FAS: variants seen among roughly 807,000 people sequenced by gnomAD.
The protein encoded by FAS is Fas cell surface death receptor, also known as tumor necrosis factor receptor superfamily member 6.
A neutral mutation model predicts 33.2 loss-of-function variants in FAS; 5 were observed. The ratio of observed to expected loss-of-function variants is 0.15; its 90% CI spans 0.08 to 0.32. The LOEUF is 0.32. Among genes scored for constraint, FAS ranks in the 10% least tolerant of loss-of-function variants. The pLI, the probability that FAS is intolerant of heterozygous loss-of-function variation, is 1.00. For missense variants in FAS, 339 were observed against 386.0 expected (o/e 0.88, Z 1.02); for synonymous variants, 131 against 130.7 (o/e 1.00, Z -0.01).
intron 2 of FAS, among the ~76,000 whole-genome samples, chr10:88,980,458 G>A (rs543095039): frequency 2.6e-5 from 4 of 152,246 alleles, no homozygotes; most frequent in East Asian, 3.9e-4. Flanking sequence ...AAAGAGAGAC[G>A]CATTTCACAG....
At position 88,990,859 on chromosome 10, in the gene FAS, G is replaced by A; in HGVS notation, c.-18G>A. The stretch of plus-strand genomic sequence containing the variant: ...GAGTTGGGGAAGCTCTTTCACTTCG[G>A]AGGATTGCTCAACAACCATGCTGGG... On this transcript the variant is annotated 5_prime_UTR_variant, in exon 1 of 9. Transcript: ENST00000652046. This position sits in a 1 kb window ranked among gnomAD's most constrained non-coding sequence, Gnocchi z 4.9. 1 of 1,614,228 alleles carries A rather than the reference G, an allele frequency of 6.2e-7. No homozygotes were observed. Among genetic ancestry groups the A allele is most frequent in the Non-Finnish European group, 8.5e-7 (1 of 1,180,034 alleles).
At chr10:88,982,535 G>A (rs1042214168), upstream of FAS, among the ~76,000 whole-genome samples, 1 of 152,142 alleles carries the variant, frequency 6.6e-6, no homozygotes, top group African/African-American at 2.4e-5. Flanking sequence ...GAGATTCACT[G>A]AGGGGGGAAT....
At chr10:88,981,383 CT>C (rs5786847) in intron 2 of FAS, among the ~76,000 whole-genome samples, 10 of 149,560 alleles carry the variant, frequency 6.7e-5, no homozygotes, top group African/African-American at 1.5e-4. Context: ...AGAGAAATGA[CT>C]TTTTTTTTTT....
chr10:88,973,594 T>C (rs958140808), intron 2 of FAS: 18 of 257,948 alleles, frequency 7.0e-5, no homozygotes, highest in Non-Finnish European at 1.0e-4. Flanking sequence ...ATCTTTAACA[T>C]AGACCATTCA....
chr10:88,989,726 G>A (rs1847053857), upstream of FAS: 1 of 371,308 alleles, frequency 2.7e-6, no homozygotes, highest in Non-Finnish European at 5.3e-6. Flanking sequence ...TAAGCAAAGG[G>A]TTATTAATGT....
chr10:88,986,663 ACAGGAAGGAAGTAGTG>A (rs772916083), upstream of FAS, among the ~76,000 whole-genome samples: 53,396 of 150,286 alleles, frequency 0.36, 10,377 homozygotes, highest in African/African-American at 0.48. Context: ...AGGAAGTAAT[ACAGGAAGGAAGTAGTG>A]CAGGAAGGAA....
chr10:88,978,685 C>A lies in FAS; in HGVS notation n.260+5338C>A, dbSNP rs138726147. On this transcript the variant is annotated intron_variant and non_coding_transcript_variant, in intron 2 of 3. Coordinates refer to the FAS transcript ENST00000688239. ...GTTCATTTGCACCACGGCTCCAGCT[C>A]ACCCTACTTCAGGGAACTGAAGATG... Among the ~76,000 whole-genome samples the A allele has an allele frequency of 8.9e-4, 135 of 152,266 alleles. 1 individual carries two copies. Among genetic ancestry groups the A allele is most frequent in the African/African-American group, 3.2e-3 (131 of 41,570 alleles).
chr10:88,985,147 C>G (rs1326123601), upstream of FAS, among the ~76,000 whole-genome samples: 8 of 152,136 alleles, frequency 5.3e-5, no homozygotes, highest in Admixed American at 5.2e-4. Context: ...TCTATCTGGG[C>G]ATATCATTAC....
chr10:88,980,500 T>C (rs1488672759), intron 2 of FAS, among the ~76,000 whole-genome samples: 3 of 152,228 alleles, frequency 2.0e-5, no homozygotes, highest in African/African-American at 4.8e-5. Context: ...TGCTTATAAT[T>C]ACTCTAATTT....
intron 2 of FAS, among the ~76,000 whole-genome samples, chr10:89,006,931 G>A (rs1848260071): frequency 6.6e-6 from 1 of 152,100 alleles, no homozygotes; most frequent in Admixed American, 6.5e-5. Flanking sequence ...AAAATTGTTT[G>A]TTTTTAAGAT....
Position 89,016,823 on chromosome 10 carries a change from G to T in FAS, c.*2373G>T, listed in dbSNP as rs1589497395. The T allele has an allele frequency of 9.4e-6, 2 of 212,730 alleles. No homozygotes were observed. Among genetic ancestry groups the T allele is most frequent in the East Asian group, 1.4e-4 (2 of 14,154 alleles). The allele number at this position is 212,730 out of a possible 1,614,324, so 13.2% of individuals were successfully genotyped here. A position where few individuals can be genotyped will look rare whatever the true frequency, so the allele number is the denominator to read the frequency against. On this transcript the variant is annotated 3_prime_UTR_variant, in exon 9 of 9. Coordinates refer to ENST00000652046, the MANE Select transcript of FAS (RefSeq NM_000043.6). ...AAAGCATTGCATATTCAAACATCTT[G>T]GTCTTCTTTATTGGCATGCCCACAG...
Position 88,970,898 on chromosome 10 carries a change from T to C in FAS, n.95-2284T>C, listed in dbSNP as rs572090793. Among the ~76,000 whole-genome samples the C allele has an allele frequency of 1.6e-4, 24 of 146,056 alleles. 1 individual carries two copies. The South Asian group carries it at 5.1e-3, about 31-fold the overall frequency. On this transcript the variant is annotated intron_variant and non_coding_transcript_variant, in intron 1 of 3. Transcript: ENST00000688239. ...AAGTGTGTGTGTGTGTGTGTGTGTGTATATATATAAAGAATTCCCCACTTA... is the reference window on the plus strand; with the variant it reads ...AAGTGTGTGTGTGTGTGTGTGTGTGCATATATATAAAGAATTCCCCACTTA...
At chr10:88,979,721 C>T (rs925543888) in intron 2 of FAS, among the ~76,000 whole-genome samples, 2 of 151,998 alleles carry the variant, frequency 1.3e-5, no homozygotes, top group African/African-American at 2.4e-5. Flanking sequence ...AAACTCAATT[C>T]GATCAGAAAA....
intron 1 of FAS, among the ~76,000 whole-genome samples, chr10:88,971,218 T>C (rs1476623052): frequency 6.6e-6 from 1 of 152,272 alleles, no homozygotes; most frequent in African/African-American, 2.4e-5. Flanking sequence ...TCACAACTTC[T>C]GCTACTTAAA....
At chr10:88,979,607 G>A (rs1846659407) in intron 2 of FAS, among the ~76,000 whole-genome samples, 1 of 151,728 alleles carries the variant, frequency 6.6e-6, no homozygotes, top group Non-Finnish European at 1.5e-5. Context: ...AATTGTTAAT[G>A]ATGACTTTTT....
chr10:88,982,854 T>G (rs1338381349), upstream of FAS, among the ~76,000 whole-genome samples: 1 of 152,172 alleles, frequency 6.6e-6, no homozygotes. Flanking sequence ...AGAAATGCTG[T>G]AATAATAATA....
intron 1 of FAS, chr10:88,991,327 C>A (rs1158603134): frequency 2.9e-6 from 1 of 341,396 alleles, no homozygotes; most frequent in Non-Finnish European, 5.6e-6. Flanking sequence ...CCTGACAAGC[C>A]AAGCCAAAGG....
At chr10:88,978,903 ATATTAT>A (rs956742252) in intron 2 of FAS, among the ~76,000 whole-genome samples, 11 of 151,372 alleles carry the variant, frequency 7.3e-5, no homozygotes, top group Admixed American at 7.2e-4. Flanking sequence ...TATTATTATT[ATATTAT>A]TATTATTAAT....
In FAS at chr10:89,014,434, T is replaced by C. The variant is rs1320719393; in HGVS notation, c.992T>C (p.Ile331Thr). The C allele has an allele frequency of 5.6e-6, 9 of 1,610,290 alleles. No homozygotes were observed. The highest frequency in any genetic ancestry group is 7.6e-6 in the Non-Finnish European group (9 of 1,179,888). ...GAAAATTCAAACTTCAGAAATGAAA[T>C]CCAAAGCTTGGTCTAGAGTGAAAAA... ...DSENSNFRNE[I>T]QSLV Residue 331 changes from isoleucine to threonine, a missense_variant, in exon 9 of 9, where the codon ATC (isoleucine) becomes ACC (threonine). Physicochemically the swap from Ile to Thr is moderately conservative, Grantham distance 89. Coordinates refer to ENST00000652046, the MANE Select transcript of FAS (RefSeq NM_000043.6).
Sources: gnomAD v4.1 joint callset for allele counts (sites outside exome capture counted in the v4.1 genomes callset) on GRCh38, gnomAD v4.1.1 for gene constraint, Gnocchi (gnomAD v3.1) non-coding constraint, MANE v1.5 for transcripts, NCBI Gene and HGNC (gene_info 2026-07-23, HGNC 2026-07-21) for gene names.